NRXN3: variants seen among roughly 807,000 people sequenced by gnomAD.
NRXN3 encodes neurexin III.
NRXN3 carries 32 observed loss-of-function variants against 137.6 expected under a neutral mutation model. The observed-to-expected ratio is 0.23, with a 90% CI of 0.18 to 0.31. The LOEUF is 0.31. Ranked by LOEUF, NRXN3 falls within the 10% of genes least tolerant of loss-of-function variation. The probability of loss-of-function intolerance (pLI) is 1.00; values close to 1 mark genes in which losing one functional copy is unlikely to be tolerated. For synonymous variants in NRXN3, 798 were observed against 784.5 expected, an observed-to-expected ratio of 1.02 and a Z score of -0.29; for missense variants, 1,574 against 2,062.5, an observed-to-expected ratio of 0.76 and a Z score of 4.59.
At chr14:78,945,631 G>A (rs1279504575) in intron 10 of NRXN3, among the ~76,000 whole-genome samples, 16 of 152,198 alleles carry the variant, frequency 1.1e-4, no homozygotes, top group Admixed American at 1.0e-3. Flanking sequence ...ACTTCTTTCT[G>A]TGTCAGTTTT....
intron 4 of NRXN3, among the ~76,000 whole-genome samples, chr14:78,522,944 C>T (rs770445654): frequency 2.0e-5 from 3 of 152,168 alleles, no homozygotes; most frequent in Non-Finnish European, 2.9e-5. Context: ...CACACTTGAA[C>T]CATTTTTCTA....
intron 16 of NRXN3, among the ~76,000 whole-genome samples, chr14:79,495,636 C>T (rs1453245332): frequency 6.6e-6 from 1 of 152,122 alleles, no homozygotes; most frequent in Non-Finnish European, 1.5e-5. Flanking sequence ...CTTACAACAA[C>T]CCTGTGATGT....
Position 78,314,000 on chromosome 14 carries a change from T to G in NRXN3, c.757+16140T>G, listed in dbSNP as rs182180107. Among the ~76,000 whole-genome samples the G allele has an allele frequency of 3.3e-5, 5 of 152,306 alleles. 1 individual carries two copies. The highest frequency in any genetic ancestry group is 1.2e-4 in the African/African-American group (5 of 41,576). On this transcript the variant is annotated intron_variant, in intron 4 of 20. Transcript: ENST00000335750. ...ATGGGTAAAAATCAGTCTTTGTTCT[T>G]GAGCAGCTCACAATAGAGTAGGAAG...
chr14:79,057,974 AT>A (rs1488520877), intron 15 of NRXN3, among the ~76,000 whole-genome samples: 4 of 152,212 alleles, frequency 2.6e-5, no homozygotes, highest in Non-Finnish European at 5.9e-5. Context: ...GAGGCATAAA[AT>A]GGAGAGATCA....
intron 15 of NRXN3, among the ~76,000 whole-genome samples, chr14:79,027,861 C>T (rs867469273): frequency 6.6e-6 from 1 of 152,166 alleles, no homozygotes; most frequent in Non-Finnish European, 1.5e-5. Flanking sequence ...CCTCTTCCCC[C>T]ACAAAATGTG....
At chr14:78,866,534 G>T (rs1418054514) in intron 10 of NRXN3, among the ~76,000 whole-genome samples, 2 of 152,094 alleles carry the variant, frequency 1.3e-5, no homozygotes, top group Non-Finnish European at 2.9e-5. Flanking sequence ...TTTAGCACTT[G>T]TTGGGGAAAA....
intron 15 of NRXN3, among the ~76,000 whole-genome samples, chr14:79,148,110 C>T (rs933744342): frequency 2.6e-5 from 4 of 152,078 alleles, no homozygotes; most frequent in African/African-American, 7.2e-5. Flanking sequence ...ATGCAGGGCC[C>T]CTCCTTTTAT....
intron 4 of NRXN3, among the ~76,000 whole-genome samples, chr14:78,578,532 C>T (rs1048629042): frequency 2.6e-5 from 4 of 152,072 alleles, no homozygotes; most frequent in Non-Finnish European, 4.4e-5. Context: ...TCTTTTTCAC[C>T]TGAATGCTCT....
chr14:78,354,474 G>A (rs1326455772), intron 4 of NRXN3, among the ~76,000 whole-genome samples: 2 of 152,170 alleles, frequency 1.3e-5, no homozygotes, highest in Non-Finnish European at 2.9e-5. Flanking sequence ...TCATCTTTGA[G>A]AGATGAGATG....
intron 4 of NRXN3, among the ~76,000 whole-genome samples, chr14:78,440,830 A>G (rs2094219973): frequency 1.3e-5 from 2 of 152,054 alleles, no homozygotes; most frequent in South Asian, 4.2e-4. Flanking sequence ...ATTGTCTTAA[A>G]GGGCTCCCAT....
chr14:78,261,885 A>C (rs1210527453), intron 2 of NRXN3, among the ~76,000 whole-genome samples: 1 of 152,248 alleles, frequency 6.6e-6, no homozygotes, highest in African/African-American at 2.4e-5. Context: ...AAGAACATCA[A>C]TTGCCAAGCA....
intron 8 of NRXN3, among the ~76,000 whole-genome samples, chr14:78,800,094 G>T (rs12881391): frequency 6.6e-6 from 1 of 152,162 alleles, no homozygotes; most frequent in Non-Finnish European, 1.5e-5. Flanking sequence ...TTGTATATGC[G>T]TGCACATACA....
chr14:79,695,661 A>G (rs1322530254), intron 18 of NRXN3, among the ~76,000 whole-genome samples: 3 of 150,456 alleles, frequency 2.0e-5, no homozygotes, highest in Admixed American at 1.3e-4. Flanking sequence ...AAAAACTGTC[A>G]TCAACAATAA....
At chr14:78,651,420 A>G in intron 6 of NRXN3, 94 bp downstream of exon 6, 1 of 1,341,418 alleles carries the variant, frequency 7.5e-7, no homozygotes. Context: ...CTGTCCTCAA[A>G]TCTATGAGAT....
At chr14:79,530,777 A>C (rs2097163220) in intron 16 of NRXN3, among the ~76,000 whole-genome samples, 1 of 152,108 alleles carries the variant, frequency 6.6e-6, no homozygotes. Context: ...TGTAAACAAA[A>C]AGTTCTTTGC....
intron 11 of NRXN3, among the ~76,000 whole-genome samples, chr14:78,961,363 C>T (rs971309015): frequency 1.3e-4 from 20 of 152,108 alleles, no homozygotes; most frequent in Admixed American, 3.9e-4. Flanking sequence ...ATACAAGCCC[C>T]TCCCCCCAGA....
At chr14:78,815,495 T>TTTTTTTTTG (rs2098929873) in intron 10 of NRXN3, among the ~76,000 whole-genome samples, 1 of 143,062 alleles carries the variant, frequency 7.0e-6, no homozygotes, top group Non-Finnish European at 1.5e-5. Context: ...TTTTTTTTTT[T>TTTTTTTTTG]TTTTTTGCCT....
At chr14:79,470,953 T>G (rs56767395) in intron 16 of NRXN3, among the ~76,000 whole-genome samples, 1 of 15,594 alleles carries the variant, frequency 6.4e-5, no homozygotes, top group African/African-American at 2.1e-4. Context: ...AGAGAGAGAG[T>G]GTGTGTGTGT....
At chr14:78,182,826 T>TC (rs985117496) in intron 1 of NRXN3, among the ~76,000 whole-genome samples, 13 of 152,106 alleles carry the variant, frequency 8.5e-5, no homozygotes, top group African/African-American at 3.1e-4. Context: ...GGAATTCTTA[T>TC]CCCTTTTTTT....
Sources: allele counts gnomAD v4.1 joint callset (sites outside exome capture counted in the v4.1 genomes callset), GRCh38; gene constraint gnomAD v4.1.1; transcripts MANE v1.5; gene names NCBI Gene and HGNC (gene_info 2026-07-23, HGNC 2026-07-21).